Variants in ADAMTS17 observed in about 807,000 individuals in gnomAD.
ADAMTS17 encodes the protein A disintegrin and metalloproteinase with thrombospondin motifs 17.
Under a neutral mutation model 141.5 loss-of-function variants are expected in ADAMTS17, and 113 were observed. The observed-to-expected ratio is 0.80, with a 90% CI of 0.69 to 0.93. ADAMTS17 has a LOEUF of 0.93. ADAMTS17 is among the 40% of genes least tolerant of loss of function. The probability of loss-of-function intolerance (pLI) is 0.00; values close to 1 mark genes in which losing one functional copy is unlikely to be tolerated. For missense variants in ADAMTS17, 1,659 were observed against 1,517.9 expected (o/e 1.09, Z -1.54); for synonymous variants, 768 against 630.6 (o/e 1.22, Z -3.27).
chr15:100,099,733 CATGGGATGGT>C (rs1244148970), intron 14 of ADAMTS17, among the ~76,000 whole-genome samples: 2 of 149,062 alleles, frequency 1.3e-5, no homozygotes, highest in Non-Finnish European at 3.0e-5. Flanking sequence ...TAATTAAAGG[CATGGGATGGT>C]ATGAGATGGT....
intron 14 of ADAMTS17, among the ~76,000 whole-genome samples, chr15:100,108,221 G>A (rs2036528173): frequency 1.3e-5 from 2 of 151,798 alleles, no homozygotes; most frequent in South Asian, 2.1e-4. Flanking sequence ...GCCCAGGCTG[G>A]AAGGCAGTGG....
chr15:100,048,103 A>G (rs1023440607), intron 18 of ADAMTS17, among the ~76,000 whole-genome samples: 1 of 152,228 alleles, frequency 6.6e-6, no homozygotes, highest in Non-Finnish European at 1.5e-5. Flanking sequence ...AATTGAGTTA[A>G]GAAACCTAGA....
In ADAMTS17 at chr15:100,221,646, T is replaced by A. The variant is rs116741036; in HGVS notation, c.1076-22223A>T. 6.0e-3 allele frequency among the ~76,000 whole-genome samples: 914 copies of A among 152,292 alleles called. 8 individuals are homozygous for A. Among genetic ancestry groups the A allele is most frequent in the African/African-American group, 0.02 (831 of 41,554 alleles). ...TCAGTCATGACCACTTGCTGAAGCC[T>A]TGGCACGTGTGCAAACTCCCACGTC... is the stretch of plus-strand genomic sequence containing the variant. On this transcript the variant is annotated intron_variant, in intron 7 of 21. Coordinates refer to ENST00000268070, the MANE Select transcript of ADAMTS17 (RefSeq NM_139057.4).
chr15:100,138,373 C>A (rs1182023742), intron 10 of ADAMTS17, among the ~76,000 whole-genome samples: 1 of 151,996 alleles, frequency 6.6e-6, no homozygotes, highest in Non-Finnish European at 1.5e-5. Flanking sequence ...TTGTCAGATA[C>A]AGAATTTATA....
At position 100,053,966 on chromosome 15, in the gene ADAMTS17, G is replaced by A. The variant is rs1192750993; in HGVS notation, c.2226C>T (p.Arg742=). 1 of 1,614,098 alleles carries A rather than the reference G, an allele frequency of 6.2e-7. No individual in the cohort carries two copies. Among genetic ancestry groups the A allele is most frequent in the Non-Finnish European group, 8.5e-7 (1 of 1,180,044 alleles). The part of the protein sequence containing the change: ...GEFQIAGTTV[R]YVRRGLWEKI... ...TCTCCCACAGCCCCCTTCTCACATAGCGAACAGTTGTGCCTGCAATCTGGA... is the reference window on the plus strand; with the variant it reads ...TCTCCCACAGCCCCCTTCTCACATAACGAACAGTTGTGCCTGCAATCTGGA... Residue 742 remains arginine, a synonymous_variant, in exon 16 of 22, where the codon CGC becomes CGT. Transcript: ENST00000268070.
chr15:100,009,228 C>T (rs920375813), intron 18 of ADAMTS17, among the ~76,000 whole-genome samples: 5 of 152,184 alleles, frequency 3.3e-5, no homozygotes, highest in East Asian at 1.9e-4. Flanking sequence ...TTTCCCTTTA[C>T]AGAGGGAGAA....
At chr15:100,202,697 C>G (rs1314635018) in intron 7 of ADAMTS17, among the ~76,000 whole-genome samples, 3 of 152,204 alleles carry the variant, frequency 2.0e-5, no homozygotes, top group East Asian at 1.9e-4. Flanking sequence ...AGAGATACCC[C>G]CACCGTCTCA....
rs554131192 is a variant in ADAMTS17, at chr15:100,057,278, G to C, written c.2138-3224C>G. Among the ~76,000 whole-genome samples the C allele has an allele frequency of 3.9e-5, 6 of 152,292 alleles. No individual in the cohort carries two copies. In the South Asian group the frequency reaches 1.2e-3, roughly 32 times the overall value. The stretch of plus-strand genomic sequence containing the variant: ...GGAAGAAGGAAGGGGCTCACTGTGA[G>C]GATAGAGGACACCCAGGCATGCTGA... On this transcript the variant is annotated intron_variant, in intron 15 of 21. Coordinates refer to ENST00000268070, the MANE Select transcript of ADAMTS17 (RefSeq NM_139057.4).
At chr15:100,012,232 G>C (rs1204136090) in intron 18 of ADAMTS17, among the ~76,000 whole-genome samples, 1 of 152,134 alleles carries the variant, frequency 6.6e-6, no homozygotes. Flanking sequence ...ACCACTGTTT[G>C]ATGCAATTGT....
chr15:100,034,765 G>A (rs60865497), intron 18 of ADAMTS17, among the ~76,000 whole-genome samples: 8,701 of 152,156 alleles, frequency 0.057, 791 homozygotes, highest in African/African-American at 0.19. Context: ...TCGTGTGCCC[G>A]ACACCTACTT....
At chr15:100,099,290 C>G (rs1398472442) in intron 14 of ADAMTS17, among the ~76,000 whole-genome samples, 4 of 152,206 alleles carry the variant, frequency 2.6e-5, no homozygotes, top group African/African-American at 7.2e-5. Flanking sequence ...AGCAGTGACT[C>G]TAAATGCTGA....
chr15:100,256,010 TC>T (rs2043314546), intron 6 of ADAMTS17, among the ~76,000 whole-genome samples: 2 of 152,214 alleles, frequency 1.3e-5, no homozygotes, highest in African/African-American at 4.8e-5. Flanking sequence ...AATCTGAATC[TC>T]GATCCTTCCT....
intron 7 of ADAMTS17, among the ~76,000 whole-genome samples, chr15:100,240,912 G>A (rs552510947): frequency 2.6e-5 from 4 of 152,182 alleles, no homozygotes; most frequent in Non-Finnish European, 2.9e-5. Flanking sequence ...TGCAACCTCC[G>A]CCTCCCGGGT....
At chr15:100,103,354 C>A (rs2036233652) in intron 14 of ADAMTS17, among the ~76,000 whole-genome samples, 1 of 152,220 alleles carries the variant, frequency 6.6e-6, no homozygotes, top group Non-Finnish European at 1.5e-5. Flanking sequence ...CGCTTTCCTG[C>A]AGGCTTGTTA....
At chr15:100,250,434 G>C (rs893768008) in intron 7 of ADAMTS17, among the ~76,000 whole-genome samples, 12 of 152,138 alleles carry the variant, frequency 7.9e-5, no homozygotes, top group African/African-American at 2.9e-4. Context: ...ACATGACTCA[G>C]ATTATTTTTC....
intron 2 of ADAMTS17, 99 bp downstream of exon 2, chr15:100,340,940 T>C: frequency 2.0e-6 from 3 of 1,489,330 alleles, no homozygotes; most frequent in Non-Finnish European, 2.7e-6. Context: ...CCCTGGAGGC[T>C]GGACTTCCAG....
At chr15:99,989,188 C>T (rs1215177588) in intron 20 of ADAMTS17, among the ~76,000 whole-genome samples, 2 of 152,182 alleles carry the variant, frequency 1.3e-5, no homozygotes, top group African/African-American at 2.4e-5. Context: ...CCTCTGTTCC[C>T]TCTTCTGTGC....
intron 18 of ADAMTS17, among the ~76,000 whole-genome samples, chr15:100,000,156 T>C (rs547849136): frequency 6.4e-4 from 97 of 152,322 alleles, no homozygotes; most frequent in African/African-American, 2.3e-3. Context: ...TGGTAGGAGA[T>C]GGAGAACTCC....
At chr15:100,254,858 A>T (rs1459864175) in intron 6 of ADAMTS17, among the ~76,000 whole-genome samples, 1 of 152,164 alleles carries the variant, frequency 6.6e-6, no homozygotes, top group African/African-American at 2.4e-5. Context: ...AGGCGGGGTG[A>T]AGGAGAGGGA....
Sources: allele counts gnomAD v4.1 joint callset (sites outside exome capture counted in the v4.1 genomes callset), GRCh38; gene constraint gnomAD v4.1.1; transcripts MANE v1.5; gene names NCBI Gene and HGNC (gene_info 2026-07-23, HGNC 2026-07-21).